The following NID2 variants were observed in gnomAD, a reference collection of about 807,000 sequenced individuals.
NID2 encodes the protein nidogen 2.
In NID2, 83 loss-of-function variants were observed where a neutral mutation model predicts 145.4. That is an observed-to-expected ratio of 0.57 (90% confidence interval 0.48 to 0.69). The LOEUF is 0.69. Among genes scored for constraint, NID2 ranks in the 30% least tolerant of loss-of-function variants. NID2 has a pLI of 0.00. For synonymous variants in NID2, 739 were observed against 701.3 expected (o/e 1.05, Z -0.85); for missense variants, 1,807 against 1,765.7 (o/e 1.02, Z -0.42).
At chr14:52,027,175 A>C (rs368242356) in intron 12 of NID2, 26 bp downstream of exon 12, 752 of 1,452,608 alleles carry the variant, frequency 5.2e-4, no homozygotes, top group Non-Finnish European at 6.7e-4. Context: ...CTTTCCAGTC[A>C]TTGAGGCTGA....
At chr14:52,060,470 T>G (rs754424) in intron 2 of NID2, 114 bp from the exon 3 acceptor site, 111,416 of 511,924 alleles carry the variant, frequency 0.22, 16,353 homozygotes, top group East Asian at 0.56. Flanking sequence ...TGCAAAGAAC[T>G]TCCCCTTTTT....
chr14:52,059,455 C>CA (rs1892956417), intron 3 of NID2, among the ~76,000 whole-genome samples: 1 of 152,138 alleles, frequency 6.6e-6, no homozygotes, highest in South Asian at 2.1e-4. Flanking sequence ...ACACACCCCC[C>CA]AAAAAACCCT....
At chr14:52,006,153 T>G (rs1296495019) in intron 20 of NID2, 1 of 410,726 alleles carries the variant, frequency 2.4e-6, no homozygotes, top group Non-Finnish European at 4.5e-6. Flanking sequence ...TATTTTTCGG[T>G]CCCTCAGACA....
chr14:52,054,716 C>A (rs1010028566), intron 3 of NID2, among the ~76,000 whole-genome samples: 1 of 152,130 alleles, frequency 6.6e-6, no homozygotes, highest in African/African-American at 2.4e-5. Flanking sequence ...CTCAAAAAAA[C>A]AAAAAACCTG....
At chr14:52,058,692 C>T (rs1892929839) in intron 3 of NID2, among the ~76,000 whole-genome samples, 2 of 151,856 alleles carry the variant, frequency 1.3e-5, no homozygotes, top group African/African-American at 4.8e-5. Flanking sequence ...TGTGTAGATG[C>T]CAGCACTTAC....
chr14:52,027,633 TACAC>T (rs59049676), intron 11 of NID2, among the ~76,000 whole-genome samples: 4,634 of 144,200 alleles, frequency 0.032, 164 homozygotes, highest in African/African-American at 0.093. Context: ...GAGCAATTGC[TACAC>T]ACACACACAC....
chr14:52,020,274 C>T, intron 12 of NID2, 96 bp from the exon 13 acceptor site: 2 of 1,556,800 alleles, frequency 1.3e-6, no homozygotes, highest in Non-Finnish European at 1.7e-6. Flanking sequence ...TGTGGATCAA[C>T]ACCCAGTGAG....
At position 52,042,870 on chromosome 14, in the gene NID2, C is replaced by A. The variant is rs200753262; in HGVS notation, c.1491G>T (p.Arg497=). ...TCEHNHRQCS[R]HAFCTDYATG... ...TGGCATAGTCCGTGCAGAAGGCATG[C>A]CGGGAGCATTGTCTGTGGTTGTGTT... is the stretch of plus-strand genomic sequence containing the variant. Residue 497 remains arginine, a synonymous_variant, in exon 6 of 22, where the codon CGG becomes CGT. Coordinates refer to ENST00000216286, the MANE Select transcript of NID2 (RefSeq NM_007361.4). 142 of 1,614,162 alleles carry A rather than the reference C, an allele frequency of 8.8e-5. 2 individuals carry two copies. In the East Asian group the frequency reaches 3.1e-3, roughly 36 times the overall value.
intron 20 of NID2, 114 bp downstream of exon 20, chr14:52,006,421 CAA>C (rs1890784871): frequency 8.5e-7 from 1 of 1,172,930 alleles, no homozygotes; most frequent in African/African-American, 1.5e-5. Context: ...GGTGATGAAA[CAA>C]AAGCCTCAGA....
At chr14:52,018,883 C>CAGG (rs1891305926) in intron 14 of NID2, among the ~76,000 whole-genome samples, 178 bp downstream of exon 14, 1 of 152,220 alleles carries the variant, frequency 6.6e-6, no homozygotes, top group South Asian at 2.1e-4. Flanking sequence ...TATTGCATAT[C>CAGG]TCTATGTCCT....
At chr14:52,026,278 C>T (rs1220523438) in intron 12 of NID2, among the ~76,000 whole-genome samples, 1 of 152,214 alleles carries the variant, frequency 6.6e-6, no homozygotes, top group Non-Finnish European at 1.5e-5. Context: ...AATTGCAAAG[C>T]TGTTCTTAGC....
intron 17 of NID2, 60 bp from the exon 18 acceptor site, chr14:52,011,107 G>A (rs1891000320): frequency 1.3e-6 from 2 of 1,562,514 alleles, no homozygotes; most frequent in Admixed American, 1.7e-5. Context: ...CAAACCTGAA[G>A]CCCTCCAACG....
intron 12 of NID2, among the ~76,000 whole-genome samples, chr14:52,023,148 G>A (rs1891461654): frequency 6.6e-6 from 1 of 152,172 alleles, no homozygotes; most frequent in Non-Finnish European, 1.5e-5. Flanking sequence ...ACCTGGCCAG[G>A]CACATAATGG....
At position 52,038,936 on chromosome 14, in the gene NID2, C is replaced by T. The variant is rs749809991; in HGVS notation, c.2068G>A (p.Gly690Ser). Reference sequence around the variant, plus strand: ...TAGGACCATGTTTGGTTGATTGCACCAAAAGTCAGAGAGTAGTCTCTGGAA... The same window carrying T: ...TAGGACCATGTTTGGTTGATTGCACTAAAAGTCAGAGAGTAGTCTCTGGAA... ...TSSRDYSLTF[G>S]AINQTWSYRI... The change falls in exon 9 of 22, where the codon GGT (glycine) becomes AGT (serine). Residue 690 changes from glycine to serine, a missense_variant. Coordinates refer to ENST00000216286, the MANE Select transcript of NID2 (RefSeq NM_007361.4). 6.2e-7 allele frequency: 1 copy of T among 1,613,818 alleles called. No homozygotes were observed. The highest frequency in any genetic ancestry group is 8.5e-7 in the Non-Finnish European group (1 of 1,179,908).
At chr14:52,009,336 T>C (rs2140343137) in intron 18 of NID2, 1 of 152,330 alleles carries the variant, frequency 6.6e-6, no homozygotes, top group South Asian at 2.1e-4. Flanking sequence ...CTCACACAGA[T>C]ATTTGGTGTA....
chr14:52,046,154 T>C (rs1294771250), intron 5 of NID2, among the ~76,000 whole-genome samples: 1 of 151,864 alleles, frequency 6.6e-6, no homozygotes, highest in Non-Finnish European at 1.5e-5. Context: ...AAACCCCGTC[T>C]CTACTAAAAA....
At chr14:52,007,042 C>T (rs868288271) in intron 19 of NID2, 10 of 157,326 alleles carry the variant, frequency 6.4e-5, no homozygotes, top group Middle Eastern at 3.3e-3. Context: ...TAACCAAAAT[C>T]CTTAGTATTT....
Position 52,014,266 on chromosome 14 carries a change from T to C in NID2, c.3420+21A>G, listed in dbSNP as rs755466200. On this transcript the variant is annotated intron_variant, in intron 16 of 21. Coordinates refer to ENST00000216286, the MANE Select transcript of NID2 (RefSeq NM_007361.4). ...GGGAAAGCCACGCAGCCCTGCCCCCTACAGGAGAAATCCACTTTACATGCA... is the reference window on the plus strand; with the variant it reads ...GGGAAAGCCACGCAGCCCTGCCCCCCACAGGAGAAATCCACTTTACATGCA... 7 of 1,614,178 alleles carry C rather than the reference T, an allele frequency of 4.3e-6. No individual in the cohort carries two copies. The South Asian group carries it at 7.7e-5, about 18-fold the overall frequency.
chr14:52,029,443 AG>A (rs1289391185), intron 10 of NID2, 103 bp downstream of exon 10: 1 of 1,023,444 alleles, frequency 9.8e-7, no homozygotes, highest in Non-Finnish European at 1.4e-6. Flanking sequence ...TTGACAATGG[AG>A]GTTGTAAAGG....
Sources: allele counts gnomAD v4.1 joint callset (sites outside exome capture counted in the v4.1 genomes callset), GRCh38; gene constraint gnomAD v4.1.1; transcripts MANE v1.5; gene names NCBI Gene and HGNC (gene_info 2026-07-23, HGNC 2026-07-21).